NALCN: variants seen among roughly 807,000 people sequenced by gnomAD.
The protein encoded by NALCN is sodium leak channel, non-selective.
NALCN carries 111 observed loss-of-function variants against 225.3 expected under a neutral mutation model. The observed-to-expected ratio is 0.49, with a 90% CI of 0.42 to 0.58. The LOEUF is 0.58. Among genes scored for constraint, NALCN ranks in the 20% least tolerant of loss-of-function variants. The probability of loss-of-function intolerance (pLI) is 0.00; values close to 1 mark genes in which losing one functional copy is unlikely to be tolerated. For synonymous variants in NALCN, 764 were observed against 769.0 expected (o/e 0.99, Z 0.11); for missense variants, 1,378 against 2,202.4 (o/e 0.63, Z 7.49).
chr13:101,369,030 T>C lies in NALCN; in HGVS notation c.644+7670A>G, dbSNP rs548616073. 6 of 348,622 alleles carry C rather than the reference T, an allele frequency of 1.7e-5. No homozygotes were observed. In the East Asian group the frequency reaches 5.1e-4, roughly 30 times the overall value. 21.6% of individuals were successfully genotyped at this position (348,622 alleles called of 1,614,324 possible). On this transcript the variant is annotated intron_variant, in intron 6 of 43. Coordinates refer to ENST00000251127, the MANE Select transcript of NALCN (RefSeq NM_052867.4). Reference sequence around the variant, plus strand: ...CAAAAAAACAACAACAAAAAAGATATTATTGATAGATTCTTGAAATGAATT... The same window carrying C: ...CAAAAAAACAACAACAAAAAAGATACTATTGATAGATTCTTGAAATGAATT...
intron 43 of NALCN, among the ~76,000 whole-genome samples, chr13:101,055,859 C>T (rs1407362108): frequency 6.6e-6 from 1 of 152,002 alleles, no homozygotes; most frequent in East Asian, 1.9e-4. Flanking sequence ...GAGAGTGTGA[C>T]CCACAGTAAA....
At chr13:101,353,620 T>A (rs1042030337) in intron 6 of NALCN, among the ~76,000 whole-genome samples, 1 of 152,194 alleles carries the variant, frequency 6.6e-6, no homozygotes, top group African/African-American at 2.4e-5. Flanking sequence ...AAGCAGGAAA[T>A]AATATTGACA....
intron 7 of NALCN, among the ~76,000 whole-genome samples, chr13:101,319,523 T>C (rs1426538829): frequency 6.6e-6 from 1 of 152,204 alleles, no homozygotes; most frequent in Admixed American, 6.5e-5. Context: ...GGCCTAAATA[T>C]ACTTTGTTAT....
chr13:101,363,378 T>C, intron 6 of NALCN, among the ~76,000 whole-genome samples: 1 of 151,964 alleles, frequency 6.6e-6, no homozygotes, highest in Admixed American at 6.6e-5. Context: ...ATGGTACTGG[T>C]AAAAAAACAG....
intron 10 of NALCN, among the ~76,000 whole-genome samples, chr13:101,268,993 C>G (rs1156665636): frequency 6.6e-6 from 1 of 152,020 alleles, no homozygotes; most frequent in East Asian, 1.9e-4. Context: ...ATTAACTAAC[C>G]TATAATTTAT....
chr13:101,103,846 G>T (rs973017707), intron 25 of NALCN, among the ~76,000 whole-genome samples: 1 of 152,142 alleles, frequency 6.6e-6, no homozygotes, highest in Non-Finnish European at 1.5e-5. Context: ...ATGGGCAACT[G>T]CTATAGCCAG....
At chr13:101,238,608 T>G (rs2041650264) in intron 11 of NALCN, among the ~76,000 whole-genome samples, 2 of 151,976 alleles carry the variant, frequency 1.3e-5, no homozygotes, top group Non-Finnish European at 2.9e-5. Context: ...GTTATTTCCT[T>G]TACATGTCCT....
chr13:101,108,928 T>C (rs2035285048), intron 20 of NALCN, among the ~76,000 whole-genome samples: 1 of 152,216 alleles, frequency 6.6e-6, no homozygotes, highest in African/African-American at 2.4e-5. Flanking sequence ...CAGAACCCCA[T>C]GGCATTTTGC....
intron 6 of NALCN, among the ~76,000 whole-genome samples, chr13:101,349,509 T>G (rs1252147923): frequency 1.3e-5 from 2 of 152,292 alleles, no homozygotes; most frequent in African/African-American, 2.4e-5. Context: ...GGACCCAACC[T>G]AACTCCATGA....
intron 37 of NALCN, 25 bp downstream of exon 37, chr13:101,073,559 C>T: frequency 1.3e-6 from 2 of 1,581,032 alleles, no homozygotes; most frequent in Non-Finnish European, 1.7e-6. Context: ...AAGTCTAAGC[C>T]TTGTTCATGA....
chr13:101,092,945 C>T (rs2034314392), intron 28 of NALCN, among the ~76,000 whole-genome samples: 1 of 152,006 alleles, frequency 6.6e-6, no homozygotes, highest in South Asian at 2.1e-4. Context: ...TTTTCTGTTT[C>T]CCACTAGACT....
At chr13:101,230,030 T>G (rs570949561) in intron 12 of NALCN, among the ~76,000 whole-genome samples, 14 of 152,286 alleles carry the variant, frequency 9.2e-5, no homozygotes, top group Admixed American at 2.0e-4. Flanking sequence ...ATACACACTT[T>G]GTTTCATGCA....
Position 101,183,476 on chromosome 13 carries a change from T to C in NALCN, c.1765-7102A>G, listed in dbSNP as rs1451641272. ...TTCTATTGAGTGATTGATTGATTGA[T>C]TGAGGCAGAGTCTCTCTCTGTCCCC... On this transcript the variant is annotated intron_variant, in intron 14 of 43. Coordinates refer to ENST00000251127, the MANE Select transcript of NALCN (RefSeq NM_052867.4). Among the ~76,000 whole-genome samples the C allele has an allele frequency of 3.3e-5, 5 of 152,320 alleles. No homozygotes were observed. The South Asian group carries it at 6.2e-4, about 19-fold the overall frequency.
In NALCN at chr13:101,089,510, T is replaced by C. The variant is rs564380802; in HGVS notation, c.3489+153A>G. Among the ~76,000 whole-genome samples the C allele has an allele frequency of 6.6e-6, 1 of 152,296 alleles. No individual in the cohort carries two copies. The highest frequency in any genetic ancestry group is 1.9e-4 in the East Asian group (1 of 5,170). Reference sequence around the variant, plus strand: ...AAATAATGTGTCTGAAAAGCAGCAATGAGGGAGCTTGTAAAACAGTTATAG... The same window carrying C: ...AAATAATGTGTCTGAAAAGCAGCAACGAGGGAGCTTGTAAAACAGTTATAG... On this transcript the variant is annotated intron_variant, in intron 30 of 43. Transcript: ENST00000251127. The surrounding 1 kb of genome is among the most constrained non-coding windows in gnomAD (Gnocchi z 4.7).
chr13:101,374,272 C>CTTT (rs869167949), intron 6 of NALCN, among the ~76,000 whole-genome samples: 119 of 119,884 alleles, frequency 9.9e-4, no homozygotes, highest in Middle Eastern at 4.6e-3. Context: ...AAATTTCTTT[C>CTTT]TTTTTTTTTT....
rs368610498 is a variant in NALCN at position 101,230,908 on chromosome 13, C to T, written c.1435-1324G>A. Reference sequence around the variant, plus strand: ...CATAACTTTTGAGTCAAGTATGGGCCACGTATAGGATGGTGGTCCTATAAG... The same window carrying T: ...CATAACTTTTGAGTCAAGTATGGGCTACGTATAGGATGGTGGTCCTATAAG... On this transcript the variant is annotated intron_variant, in intron 12 of 43. Transcript: ENST00000251127. Among the ~76,000 whole-genome samples the T allele has an allele frequency of 6.6e-5, 10 of 152,152 alleles. No individual in the cohort carries two copies. The East Asian group carries it at 1.2e-3, about 18-fold the overall frequency.
chr13:101,092,211 T>C (rs1398326278), intron 28 of NALCN, among the ~76,000 whole-genome samples: 1 of 152,040 alleles, frequency 6.6e-6, no homozygotes, highest in African/African-American at 2.4e-5. Context: ...ATTTTGTCAG[T>C]TTTTTACCTC....
At chr13:101,229,267 A>G in intron 13 of NALCN, 126 bp downstream of exon 13, 1 of 934,788 alleles carries the variant, frequency 1.1e-6, no homozygotes, top group Non-Finnish European at 1.5e-6. Context: ...TTAAAATCTA[A>G]TTATCCCAAG....
intron 6 of NALCN, among the ~76,000 whole-genome samples, chr13:101,361,570 G>A (rs1023486407): frequency 1.5e-4 from 23 of 152,196 alleles, no homozygotes; most frequent in African/African-American, 5.5e-4. Flanking sequence ...ATAGAAAGCA[G>A]TGTGAGGGAG....
Sources: allele counts gnomAD v4.1 joint callset (sites outside exome capture counted in the v4.1 genomes callset), GRCh38; gene constraint gnomAD v4.1.1; non-coding constraint Gnocchi (gnomAD v3.1); transcripts MANE v1.5; gene names NCBI Gene and HGNC (gene_info 2026-07-23, HGNC 2026-07-21).